KALRN: variants seen among roughly 807,000 people sequenced by gnomAD.
KALRN encodes the protein kalirin.
In KALRN, 70 loss-of-function variants were observed where a neutral mutation model predicts 353.7. The observed-to-expected ratio is 0.20, with a 90% CI of 0.16 to 0.24. KALRN has a LOEUF of 0.24. KALRN is among the 10% of genes least tolerant of loss of function. The probability of loss-of-function intolerance (pLI) is 1.00; values close to 1 mark genes in which losing one functional copy is unlikely to be tolerated. For synonymous variants in KALRN, 1,391 were observed against 1,434.8 expected (o/e 0.97, Z 0.69); for missense variants, 2,791 against 3,756.7 (o/e 0.74, Z 6.72).
intron 15 of KALRN, among the ~76,000 whole-genome samples, chr3:124,428,423 G>A (rs2093124952): frequency 6.6e-6 from 1 of 152,108 alleles, no homozygotes; most frequent in African/African-American, 2.4e-5. Context: ...AATGCAGAAA[G>A]GGAAGGTACA....
At chr3:124,505,806 C>T (rs1384788391) in intron 33 of KALRN, among the ~76,000 whole-genome samples, 1 of 152,196 alleles carries the variant, frequency 6.6e-6, no homozygotes, top group African/African-American at 2.4e-5. Flanking sequence ...ATAACAATGT[C>T]ATCTGTGGCC....
intron 25 of KALRN, among the ~76,000 whole-genome samples, chr3:124,463,495 A>G (rs1358577058): frequency 6.6e-6 from 1 of 152,240 alleles, no homozygotes; most frequent in African/African-American, 2.4e-5. Flanking sequence ...ACCTTCTGCA[A>G]TGATGGAAAT....
chr3:124,701,388 C>CTT (rs1399269729), intron 56 of KALRN, among the ~76,000 whole-genome samples: 2 of 99,326 alleles, frequency 2.0e-5, no homozygotes. Context: ...TTCTTTCTTT[C>CTT]TTTTTTTTTT....
At chr3:124,518,754 C>G in intron 33 of KALRN, 1 of 1,348,714 alleles carries the variant, frequency 7.4e-7, no homozygotes, top group Non-Finnish European at 9.5e-7. Context: ...CCCAATGGCC[C>G]AATGTACTTC....
At chr3:124,610,638 G>C (rs112756161) in intron 34 of KALRN, among the ~76,000 whole-genome samples, 2 of 146,486 alleles carry the variant, frequency 1.4e-5, no homozygotes, top group South Asian at 2.1e-4. Context: ...TAACCCTGGG[G>C]GGGGCGGCTA....
At chr3:124,356,228 G>A (rs1001179848) in intron 10 of KALRN, among the ~76,000 whole-genome samples, 1 of 151,836 alleles carries the variant, frequency 6.6e-6, no homozygotes, top group Non-Finnish European at 1.5e-5. Flanking sequence ...AATCTTACCA[G>A]GGACTCCAAC....
At chr3:124,066,470 G>A (rs1231063877) in intron 1 of KALRN, among the ~76,000 whole-genome samples, 1 of 152,130 alleles carries the variant, frequency 6.6e-6, no homozygotes, top group African/African-American at 2.4e-5. Flanking sequence ...ACCTGAGGAA[G>A]GTTTAATGAA....
intron 1 of KALRN, among the ~76,000 whole-genome samples, chr3:124,111,878 C>G (rs1321614794): frequency 6.6e-6 from 1 of 152,160 alleles, no homozygotes; most frequent in African/African-American, 2.4e-5. Flanking sequence ...TTACAAATTA[C>G]TTCTATAAAT....
At chr3:124,212,077 T>G (rs1196117196) in intron 1 of KALRN, among the ~76,000 whole-genome samples, 1 of 152,174 alleles carries the variant, frequency 6.6e-6, no homozygotes, top group South Asian at 2.1e-4. Flanking sequence ...GGCAGAGGAT[T>G]ATAAAAATCT....
At chr3:124,495,246 G>A (rs2063578800) in intron 32 of KALRN, among the ~76,000 whole-genome samples, 1 of 152,092 alleles carries the variant, frequency 6.6e-6, no homozygotes, top group Non-Finnish European at 1.5e-5. Flanking sequence ...TTGAGAAAAT[G>A]CCTTGGCCTT....
At chr3:124,607,178 T>C (rs1459945508) in intron 34 of KALRN, among the ~76,000 whole-genome samples, 1 of 152,224 alleles carries the variant, frequency 6.6e-6, no homozygotes, top group African/African-American at 2.4e-5. Context: ...GGGGAATGAT[T>C]GTGGTATAAT....
At chr3:124,048,009 G>A (rs2040670158) in intron 1 of KALRN, among the ~76,000 whole-genome samples, 1 of 152,044 alleles carries the variant, frequency 6.6e-6, no homozygotes, top group Non-Finnish European at 1.5e-5. Flanking sequence ...TCCATGGTTT[G>A]TTTTTCGATT....
intron 1 of KALRN, among the ~76,000 whole-genome samples, chr3:124,202,184 C>A (rs1342701117): frequency 6.6e-6 from 1 of 152,214 alleles, no homozygotes; most frequent in Non-Finnish European, 1.5e-5. Context: ...GGAAAAACAT[C>A]AGCATGAAGA....
chr3:124,251,269 C>T (rs537031315), intron 3 of KALRN, among the ~76,000 whole-genome samples: 68 of 152,184 alleles, frequency 4.5e-4, no homozygotes, highest in African/African-American at 1.6e-3. Flanking sequence ...CTGTCACCCC[C>T]GCCATTCCCG....
intron 5 of KALRN, among the ~76,000 whole-genome samples, chr3:124,270,632 G>T (rs1055505135): frequency 1.3e-5 from 2 of 151,850 alleles, no homozygotes; most frequent in African/African-American, 4.8e-5. Flanking sequence ...GGGGCTCTTT[G>T]CCCAGTGGCC....
chr3:124,257,585 C>T (rs2072201297), intron 3 of KALRN, among the ~76,000 whole-genome samples: 1 of 152,198 alleles, frequency 6.6e-6, no homozygotes, highest in South Asian at 2.1e-4. Context: ...GGCCCAAGAG[C>T]CCTGGAGAGT....
chr3:124,412,844 A>G (rs1057510476), intron 13 of KALRN, among the ~76,000 whole-genome samples: 1 of 152,236 alleles, frequency 6.6e-6, no homozygotes, highest in Non-Finnish European at 1.5e-5. Context: ...AGAATGTTGC[A>G]CAATAGAACA....
At chr3:124,496,018 C>CACACATATATATATATATATATATATAT (rs1561138126) in intron 32 of KALRN, among the ~76,000 whole-genome samples, 7 of 33,846 alleles carry the variant, frequency 2.1e-4, no homozygotes, top group African/African-American at 1.1e-3. Context: ...TATATACACA[C>CACACATATATATATATATATATATATAT]ACATATATAC....
At chr3:124,633,368 A>G (rs1417155320) in intron 35 of KALRN, among the ~76,000 whole-genome samples, 1 of 152,176 alleles carries the variant, frequency 6.6e-6, no homozygotes, top group South Asian at 2.1e-4. Context: ...GAAATGAGAT[A>G]CCTGTTTTAT....
Sources: gnomAD v4.1 joint callset for allele counts (sites outside exome capture counted in the v4.1 genomes callset) on GRCh38, gnomAD v4.1.1 for gene constraint, MANE v1.5 for transcripts, NCBI Gene and HGNC (gene_info 2026-07-23, HGNC 2026-07-21) for gene names.